TNFRSF11A: variants seen among roughly 807,000 people sequenced by gnomAD.
TNFRSF11A encodes the protein tumor necrosis factor receptor superfamily member 11A.
In TNFRSF11A, 32 loss-of-function variants were observed where a neutral mutation model predicts 55.7. That is an observed-to-expected ratio of 0.57 (90% CI 0.43 to 0.77). TNFRSF11A has a LOEUF of 0.77. TNFRSF11A is among the 30% of genes least tolerant of loss of function. The probability of loss-of-function intolerance (pLI) is 0.00; values close to 1 mark genes in which losing one functional copy is unlikely to be tolerated. For missense variants in TNFRSF11A, 753 were observed against 809.8 expected (o/e 0.93, Z 0.85); for synonymous variants, 311 against 331.0 (o/e 0.94, Z 0.65).
At chr18:62,353,458 C>G (rs2046503536) in intron 3 of TNFRSF11A, among the ~76,000 whole-genome samples, 1 of 152,170 alleles carries the variant, frequency 6.6e-6, no homozygotes, top group Admixed American at 6.5e-5. Flanking sequence ...GCTCGTTTAC[C>G]TTCTGTGAGC....
intron 8 of TNFRSF11A, among the ~76,000 whole-genome samples, chr18:62,367,788 C>CTTTTTTTTTTTT (rs67721371): frequency 1.5e-4 from 12 of 78,672 alleles, no homozygotes; most frequent in African/African-American, 3.5e-4. Context: ...TCTTCTTCTT[C>CTTTTTTTTTTTT]TTTTTTTTTT....
Position 62,383,678 on chromosome 18 carries a change from C to CT in TNFRSF11A, c.1568-1070dup, listed in dbSNP as rs928575306. On this transcript the variant is annotated intron_variant, in intron 9 of 9. Transcript: ENST00000586569. This position sits in a 1 kb window ranked among gnomAD's most constrained non-coding sequence, Gnocchi z 4.2. Reference sequence around the variant, plus strand: ...AGCAGGTTGCCTAACATTTGTTGGACTTTGTTTGTTTTTCAAAAGGCCCGT... The same window carrying CT: ...AGCAGGTTGCCTAACATTTGTTGGACTTTTGTTTGTTTTTCAAAAGGCCCGT... 6.6e-6 allele frequency among the ~76,000 whole-genome samples: 1 copy of CT among 152,038 alleles called. No individual in the cohort carries two copies. Among genetic ancestry groups the CT allele is most frequent in the Non-Finnish European group, 1.5e-5 (1 of 68,018 alleles).
Position 62,390,595 on chromosome 18 carries a change from C to T in TNFRSF11A, c.*5561C>T, listed in dbSNP as rs1911958296. Reference sequence around the variant, plus strand: ...CTTGGTTTCTCACGGGCAGGGGTAGCCCAGGAAACAAAGGCTGTATAGACT... The same window carrying T: ...CTTGGTTTCTCACGGGCAGGGGTAGTCCAGGAAACAAAGGCTGTATAGACT... On this transcript the variant is annotated 3_prime_UTR_variant, in exon 10 of 10. Coordinates refer to ENST00000586569, the MANE Select transcript of TNFRSF11A (RefSeq NM_003839.4). 1.3e-5 allele frequency: 2 copies of T among 152,114 alleles called. No individual in the cohort carries two copies. The highest frequency in any genetic ancestry group is 4.1e-4 in the South Asian group (2 of 4,822). 9.4% of individuals were successfully genotyped at this position (152,114 alleles called of 1,614,324 possible). A position where few individuals can be genotyped will look rare whatever the true frequency, so the allele number is the denominator to read the frequency against.
chr18:62,381,197 GA>G (rs1362050680), intron 9 of TNFRSF11A, among the ~76,000 whole-genome samples: 1 of 152,002 alleles, frequency 6.6e-6, no homozygotes, highest in Non-Finnish European at 1.5e-5. Context: ...AGGTCCATCT[GA>G]AAAAAGAAAA....
chr18:62,384,902 G>A lies in TNFRSF11A; in HGVS notation c.1719G>A (p.Glu573=), dbSNP rs1199639940. ...CCATGGGCCGCCCGGTGCAGGAGGA[G>A]ACCCTGGCGCGCCGAGACTCCTTCG... The part of the protein sequence containing the change: ...AEPMGRPVQE[E]TLARRDSFAG... Residue 573 remains glutamate (E), a synonymous_variant, in exon 10 of 10, where the codon GAG becomes GAA. Transcript: ENST00000586569. 2.5e-6 allele frequency: 4 copies of A among 1,577,140 alleles called. No individual in the cohort carries two copies. Among genetic ancestry groups the A allele is most frequent in the East Asian group, 2.3e-5 (1 of 43,342 alleles).
chr18:62,360,036 A>G lies in TNFRSF11A; in HGVS notation c.603A>G (p.Arg201=). ...TTTGCAGTTCTTCTCTGCCAGCTAGAAAACCACCAAATGGTATGTTTAAAA... is the reference window on the plus strand; with the variant it reads ...TTTGCAGTTCTTCTCTGCCAGCTAGGAAACCACCAAATGGTATGTTTAAAA... ...DAVCSSSLPA[R]KPPNEPHVYL... The change falls in exon 6 of 10, where the codon AGA becomes AGG. Residue 201 remains arginine, a synonymous_variant. Transcript: ENST00000586569. 1 of 1,613,912 alleles carries G rather than the reference A, an allele frequency of 6.2e-7. No individual in the cohort carries two copies. The highest frequency in any genetic ancestry group is 8.5e-7 in the Non-Finnish European group (1 of 1,179,806).
chr18:62,367,015 A>AT (rs899043657), intron 8 of TNFRSF11A, among the ~76,000 whole-genome samples: 1 of 152,052 alleles, frequency 6.6e-6, no homozygotes, highest in African/African-American at 2.4e-5. Context: ...AGCCTGGCTA[A>AT]TTTTTTGTGT....
intron 4 of TNFRSF11A, among the ~76,000 whole-genome samples, chr18:62,357,658 G>T (rs1457090034): frequency 2.0e-5 from 3 of 152,200 alleles, no homozygotes; most frequent in Admixed American, 6.5e-5. Context: ...ACCCTTGGTT[G>T]CAGGGAAAGA....
chr18:62,380,950 G>A (rs1209614891), intron 9 of TNFRSF11A, among the ~76,000 whole-genome samples: 1 of 151,318 alleles, frequency 6.6e-6, no homozygotes, highest in Non-Finnish European at 1.5e-5. Flanking sequence ...CTACAAGCGT[G>A]TGCCACCACA....
At position 62,369,473 on chromosome 18, in the gene TNFRSF11A, C is replaced by T; in HGVS notation, c.1556C>T (p.Ser519Phe). ...TCTGGAAGCTCCCCTGGTGGCCAGT[C>T]CCCTGCATCTGGTAAGTGACTTCCC... ...AGSGSSPGGQ[S>F]PASGNVTGNS... Residue 519 changes from serine to phenylalanine, a missense_variant, in exon 9 of 10, where the codon TCC (serine) becomes TTC (phenylalanine). Coordinates refer to ENST00000586569, the MANE Select transcript of TNFRSF11A (RefSeq NM_003839.4). 6.2e-7 allele frequency: 1 copy of T among 1,606,908 alleles called. No homozygotes were observed. Among genetic ancestry groups the T allele is most frequent in the Non-Finnish European group, 8.5e-7 (1 of 1,179,998 alleles).
chr18:62,359,894 G>T (rs1909544228), intron 5 of TNFRSF11A, 61 bp from the exon 6 acceptor site: 10 of 1,475,870 alleles, frequency 6.8e-6, no homozygotes, highest in Non-Finnish European at 9.5e-6. Context: ...TTTTGCATTT[G>T]TTCACTTTTT....
chr18:62,351,746 A>C (rs1301390084), intron 3 of TNFRSF11A, among the ~76,000 whole-genome samples: 1 of 152,208 alleles, frequency 6.6e-6, no homozygotes, highest in African/African-American at 2.4e-5. Context: ...AAGGACTTAT[A>C]TTATGGAGCT....
At chr18:62,339,327 C>A (rs1165752422) in intron 1 of TNFRSF11A, among the ~76,000 whole-genome samples, 1 of 152,162 alleles carries the variant, frequency 6.6e-6, no homozygotes, top group Non-Finnish European at 1.5e-5. Flanking sequence ...TCTGTCTCTG[C>A]CCCGCAACCT....
intron 1 of TNFRSF11A, among the ~76,000 whole-genome samples, chr18:62,330,013 G>A (rs1463476539): frequency 6.6e-6 from 1 of 152,086 alleles, no homozygotes; most frequent in Non-Finnish European, 1.5e-5. Flanking sequence ...GAGTGCTTTG[G>A]GTCACTGCTT....
chr18:62,362,002 C>A (rs1260580722), intron 7 of TNFRSF11A, among the ~76,000 whole-genome samples: 1 of 152,188 alleles, frequency 6.6e-6, no homozygotes, highest in Non-Finnish European at 1.5e-5. Flanking sequence ...TATAAGGGAA[C>A]AGGAATACGC....
Position 62,389,496 on chromosome 18 carries a change from A to C in TNFRSF11A, c.*4462A>C, listed in dbSNP as rs3017359. The C allele has an allele frequency of 0.39, 59,154 of 152,102 alleles. 13,112 individuals carry two copies. Among genetic ancestry groups the C allele is most frequent in the African/African-American group, 0.6 (24,982 of 41,420 alleles). 9.4% of individuals were successfully genotyped at this position (152,102 alleles called of 1,614,324 possible). A position where few individuals can be genotyped will look rare whatever the true frequency, so the allele number is the denominator to read the frequency against. ...CGGCAAAACAATCCTATGTCCCCCAAGGTTTCAACAAAGAGGAGGACCGAA... is the reference window on the plus strand; with the variant it reads ...CGGCAAAACAATCCTATGTCCCCCACGGTTTCAACAAAGAGGAGGACCGAA... On this transcript the variant is annotated 3_prime_UTR_variant, in exon 10 of 10. Coordinates refer to ENST00000586569, the MANE Select transcript of TNFRSF11A (RefSeq NM_003839.4).
At position 62,325,328 on chromosome 18, in the gene TNFRSF11A, G is replaced by C. The variant is rs1388959669; in HGVS notation, c.-25G>C. The C allele has an allele frequency of 1.0e-6, 1 of 999,914 alleles. No individual in the cohort carries two copies. The highest frequency in any genetic ancestry group is 1.2e-6 in the Non-Finnish European group (1 of 838,398). 61.9% of individuals were successfully genotyped at this position (999,914 alleles called of 1,614,324 possible). A position where few individuals can be genotyped will look rare whatever the true frequency, so the allele number is the denominator to read the frequency against. ...GGGCCACAGAGGCCGCTGAGGCCGCGGCGCCCGCCAGCCTGTCCCGCGCCA... is the reference window on the plus strand; with the variant it reads ...GGGCCACAGAGGCCGCTGAGGCCGCCGCGCCCGCCAGCCTGTCCCGCGCCA... On this transcript the variant is annotated 5_prime_UTR_variant, in exon 1 of 10. Transcript: ENST00000586569. The surrounding 1 kb of genome is among the most constrained non-coding windows in gnomAD (Gnocchi z 4.7).
chr18:62,348,246 C>T lies in TNFRSF11A; in HGVS notation c.154C>T (p.Pro52Ser), dbSNP rs2046414504. The change falls in exon 2 of 10, where the codon CCA (proline) becomes TCA (serine). Residue 52 changes from proline to serine, a missense_variant. Coordinates refer to ENST00000586569, the MANE Select transcript of TNFRSF11A (RefSeq NM_003839.4). ...HLGRCCNKCE[P>S]GKYMSSKCTT... ...GGGACGGTGCTGTAACAAATGTGAA[C>T]CAGGTACACCTGCTTCTGAGCCACC... is the stretch of plus-strand genomic sequence containing the variant. 6 of 1,613,602 alleles carry T rather than the reference C, an allele frequency of 3.7e-6. No homozygotes were observed. Among genetic ancestry groups the T allele is most frequent in the African/African-American group, 1.3e-5 (1 of 74,842 alleles).
intron 1 of TNFRSF11A, among the ~76,000 whole-genome samples, chr18:62,328,820 C>T (rs1036652490): frequency 9.2e-5 from 14 of 152,216 alleles, no homozygotes; most frequent in African/African-American, 3.4e-4. Flanking sequence ...CCTGTTATTT[C>T]CTTTCTACCA....
Sources: gnomAD v4.1 joint callset for allele counts (sites outside exome capture counted in the v4.1 genomes callset) on GRCh38, gnomAD v4.1.1 for gene constraint, Gnocchi (gnomAD v3.1) non-coding constraint, MANE v1.5 for transcripts, NCBI Gene and HGNC (gene_info 2026-07-23, HGNC 2026-07-21) for gene names.